The following NPNT variants were observed in gnomAD, a reference collection of about 807,000 sequenced individuals.
The protein encoded by NPNT is preosteoblast EGF-like repeat protein with MAM domain.
In NPNT, 45 loss-of-function variants were observed where a neutral mutation model predicts 68.6. That is an observed-to-expected ratio of 0.66 (90% CI 0.52 to 0.84). The LOEUF (loss-of-function observed/expected upper bound fraction) is 0.84. Ranked by LOEUF, NPNT falls within the 40% of genes least tolerant of loss-of-function variation. The probability of loss-of-function intolerance (pLI) is 0.00; values close to 1 mark genes in which losing one functional copy is unlikely to be tolerated. For synonymous variants in NPNT, 233 were observed against 253.3 expected, an observed-to-expected ratio of 0.92 and a Z score of 0.76; for missense variants, 672 against 714.8, an observed-to-expected ratio of 0.94 and a Z score of 0.68.
At chr4:105,939,817 G>A (rs1221230856) in intron 5 of NPNT, among the ~76,000 whole-genome samples, 1 of 152,154 alleles carries the variant, frequency 6.6e-6, no homozygotes, top group Non-Finnish European at 1.5e-5. Flanking sequence ...CATGTTTCTA[G>A]TTTAAGCAAC....
chr4:105,901,540 A>C (rs1726416010), intron 2 of NPNT, among the ~76,000 whole-genome samples: 1 of 152,242 alleles, frequency 6.6e-6, no homozygotes, highest in Non-Finnish European at 1.5e-5. Context: ...ACCAGTTCCA[A>C]GGTTTAACAA....
intron 10 of NPNT, among the ~76,000 whole-genome samples, chr4:105,963,718 T>C (rs895448249): frequency 6.6e-6 from 1 of 150,992 alleles, no homozygotes; most frequent in Non-Finnish European, 1.5e-5. Flanking sequence ...GCACTCTGTC[T>C]GCCACTGATA....
chr4:105,956,197 C>T (rs1211340904), intron 8 of NPNT, among the ~76,000 whole-genome samples: 2 of 152,056 alleles, frequency 1.3e-5, no homozygotes, highest in Non-Finnish European at 2.9e-5. Flanking sequence ...CATCCCATGC[C>T]GCTTTCTTCA....
At chr4:105,903,783 C>CTT (rs746122761) in intron 2 of NPNT, among the ~76,000 whole-genome samples, 1,971 of 126,942 alleles carry the variant, frequency 0.016, 38 homozygotes, top group African/African-American at 0.038. Flanking sequence ...GACCTTCTTA[C>CTT]TTTTTTTTTT....
intron 2 of NPNT, among the ~76,000 whole-genome samples, chr4:105,913,837 C>T (rs1194579517): frequency 3.3e-5 from 5 of 152,092 alleles, no homozygotes; most frequent in African/African-American, 1.2e-4. Context: ...CATCCATAAA[C>T]CTCCGAGTGG....
At chr4:105,934,852 A>G (rs1686849770) in intron 3 of NPNT, among the ~76,000 whole-genome samples, 1 of 152,154 alleles carries the variant, frequency 6.6e-6, no homozygotes, top group African/African-American at 2.4e-5. Flanking sequence ...TGCCATGGGA[A>G]CGGAAGGATA....
intron 11 of NPNT, among the ~76,000 whole-genome samples, chr4:105,968,056 G>C (rs1418806879): frequency 6.6e-6 from 1 of 152,140 alleles, no homozygotes; most frequent in Non-Finnish European, 1.5e-5. Flanking sequence ...CAAAAAAATG[G>C]TCTAGGGCAT....
rs373748345 is a variant in NPNT, at chr4:105,959,144, A to G, written c.1345+18A>G. The G allele has an allele frequency of 1.0e-4, 157 of 1,526,484 alleles. No individual in the cohort carries two copies. The highest frequency in any genetic ancestry group is 1.3e-4 in the Non-Finnish European group (146 of 1,100,526). 94.6% of individuals were successfully genotyped at this position (1,526,484 alleles called of 1,614,324 possible). A position where few individuals can be genotyped will look rare whatever the true frequency, so the allele number is the denominator to read the frequency against. On this transcript the variant is annotated intron_variant, in intron 10 of 11. Transcript: ENST00000379987. Reference sequence around the variant, plus strand: ...CCCAGCAGGTAAAACCATTTCATTTAACTTTTTCTGGTACACATTTCAATG... The same window carrying G: ...CCCAGCAGGTAAAACCATTTCATTTGACTTTTTCTGGTACACATTTCAATG...
At chr4:105,919,254 C>G (rs1478399190) in intron 2 of NPNT, among the ~76,000 whole-genome samples, 1 of 151,658 alleles carries the variant, frequency 6.6e-6, no homozygotes, top group Admixed American at 6.6e-5. Flanking sequence ...TTTTTTCTCT[C>G]TTCCTTCCCG....
chr4:105,897,963 G>C lies in NPNT; in HGVS notation c.134G>C (p.Cys45Ser), dbSNP rs1726009519. Residue 45 changes from cysteine to serine, a missense_variant, in exon 2 of 12, where the codon TGC (cysteine) becomes TCC (serine). Cys to Ser is a moderately radical substitution (Grantham distance 112). Transcript: ENST00000379987. ...CGTTATGGTGGGAGGATTGACTGCT[G>C]CTGGGGCTGGGCTCGCCAGTCTTGG... ...LCRYGGRIDC[C>S]WGWARQSWGQ... 6.2e-7 allele frequency: 1 copy of C among 1,613,258 alleles called. No homozygotes were observed. Among genetic ancestry groups the C allele is most frequent in the African/African-American group, 1.3e-5 (1 of 74,940 alleles).
At chr4:105,963,496 G>T (rs1023908320) in intron 10 of NPNT, among the ~76,000 whole-genome samples, 2 of 152,054 alleles carry the variant, frequency 1.3e-5, no homozygotes, top group Non-Finnish European at 2.9e-5. Flanking sequence ...GTGCTATTAG[G>T]TTTTATCACA....
chr4:105,965,991 C>A (rs2149412657), intron 10 of NPNT, among the ~76,000 whole-genome samples: 1 of 147,650 alleles, frequency 6.8e-6, no homozygotes, highest in East Asian at 2.1e-4. Context: ...CACCTGTGAC[C>A]TATAGAGCTC....
At chr4:105,934,415 A>G (rs1434104292) in intron 3 of NPNT, among the ~76,000 whole-genome samples, 1 of 152,218 alleles carries the variant, frequency 6.6e-6, no homozygotes, top group African/African-American at 2.4e-5. Flanking sequence ...TCTGTACTTT[A>G]GGAAAAGTCT....
intron 2 of NPNT, among the ~76,000 whole-genome samples, chr4:105,922,033 A>T (rs185303790): frequency 6.6e-6 from 1 of 152,286 alleles, no homozygotes; most frequent in East Asian, 1.9e-4. Context: ...TAGTGGTGCC[A>T]TGTCTGCATA....
intron 3 of NPNT, among the ~76,000 whole-genome samples, chr4:105,928,112 GAC>G (rs1424497142): frequency 1.3e-5 from 2 of 152,092 alleles, no homozygotes; most frequent in Non-Finnish European, 2.9e-5. Context: ...TATTTGGAGA[GAC>G]AGAGGCATAG....
chr4:105,934,215 TTGAA>T (rs1192287671), intron 3 of NPNT, among the ~76,000 whole-genome samples: 2 of 152,212 alleles, frequency 1.3e-5, no homozygotes, highest in Non-Finnish European at 2.9e-5. Flanking sequence ...TATTGCTTAA[TTGAA>T]TGATCTCCAA....
In NPNT at chr4:105,918,292, A is replaced by G. The variant is rs989469014; in HGVS notation, c.173-9044A>G. ...AATTAATGTATACTTCAACTCATGT[A>G]TCAGTGACTCTTTTAAACATAGAGA... On this transcript the variant is annotated intron_variant, in intron 2 of 11. Transcript: ENST00000379987. 4.6e-5 allele frequency among the ~76,000 whole-genome samples: 7 copies of G among 152,216 alleles called. No individual in the cohort carries two copies. In the East Asian group the frequency reaches 9.6e-4, roughly 21 times the overall value.
chr4:105,938,926 A>G (rs551109757), intron 5 of NPNT, among the ~76,000 whole-genome samples: 1 of 152,288 alleles, frequency 6.6e-6, no homozygotes, highest in South Asian at 2.1e-4. Context: ...GGGTCTTCTT[A>G]TCTTTAAAAT....
At chr4:105,954,873 C>G (rs1463123919) in intron 8 of NPNT, among the ~76,000 whole-genome samples, 1 of 152,204 alleles carries the variant, frequency 6.6e-6, no homozygotes, top group African/African-American at 2.4e-5. Flanking sequence ...TTAAAGCACA[C>G]ATTACCTGGG....
Sources: gnomAD v4.1 joint callset for allele counts (sites outside exome capture counted in the v4.1 genomes callset) on GRCh38, gnomAD v4.1.1 for gene constraint, MANE v1.5 for transcripts, NCBI Gene and HGNC (gene_info 2026-07-23, HGNC 2026-07-21) for gene names.